The following SPAG11A variants were observed in gnomAD, a reference collection of about 807,000 sequenced individuals.
The protein encoded by SPAG11A is sperm-associated antigen 11A.
SPAG11A carries 2 observed loss-of-function variants against 5.5 expected under a neutral mutation model. That is an observed-to-expected ratio of 0.37 (90% CI 0.15 to 1.15). SPAG11A has a LOEUF of 1.15. Among genes scored for constraint, SPAG11A ranks in the 50% most tolerant of loss-of-function variants. The pLI, the probability that SPAG11A is intolerant of heterozygous loss-of-function variation, is 0.38. For missense variants in SPAG11A, 24 were observed against 122.5 expected, an observed-to-expected ratio of 0.20 and a Z score of 3.80; for synonymous variants, 11 against 42.7, an observed-to-expected ratio of 0.26 and a Z score of 2.90.
chr8:7,852,623 G>A (rs1317426413), intron 2 of SPAG11A, among the ~76,000 whole-genome samples: 10 of 152,148 alleles, frequency 6.6e-5, no homozygotes, highest in Middle Eastern at 3.4e-3. Context: ...GTGAGCCACC[G>A]CGCCCGGCCA....
chr8:7,858,382 C>G (rs1369601279), intron 2 of SPAG11A, among the ~76,000 whole-genome samples: 3 of 98,732 alleles, frequency 3.0e-5, no homozygotes, highest in African/African-American at 8.6e-5. Flanking sequence ...AAACCTCCCT[C>G]CAGCCCAGGA....
downstream of SPAG11A, among the ~76,000 whole-genome samples, chr8:7,863,213 ATTT>A (rs869056010): frequency 1.5e-3 from 11 of 7,532 alleles, no homozygotes; most frequent in African/African-American, 3.4e-3. Context: ...TGCAGATGGG[ATTT>A]TTTTTTTTTT....
chr8:7,863,754 C>T (rs1344211962), downstream of SPAG11A: 1 of 647,240 alleles, frequency 1.5e-6, no homozygotes, highest in South Asian at 1.9e-5. Flanking sequence ...GGAGTATGAT[C>T]CTCAGTGCGA....
exon 3 of SPAG11A, chr8:7,860,665 T>G (rs12063): frequency 0.42 from 629,296 of 1,485,406 alleles, 117,841 homozygotes; most frequent in Admixed American, 0.65. Context: ...CACTGGGAAT[T>G]AGAAATACCA....
At chr8:7,852,506 T>C (rs1359338500) in intron 2 of SPAG11A, among the ~76,000 whole-genome samples, 1 of 152,178 alleles carries the variant, frequency 6.6e-6, no homozygotes, top group Non-Finnish European at 1.5e-5. Flanking sequence ...GCTAATTTTG[T>C]ATTTTTAGTA....
At chr8:7,863,727 G>C, downstream of SPAG11A, 1 of 969,478 alleles carries the variant, frequency 1.0e-6, no homozygotes, top group Non-Finnish European at 1.6e-6. Context: ...GCTCCCCAGG[G>C]ATCCATGTGA....
exon 3 of SPAG11A, chr8:7,860,685 T>A (rs1167818335): frequency 7.9e-6 from 12 of 1,521,098 alleles, no homozygotes; most frequent in Non-Finnish European, 1.1e-5. Context: ...ATCTGCCGTA[T>A]GCAGCAAGGG....
intron 2 of SPAG11A, among the ~76,000 whole-genome samples, chr8:7,854,618 ATACT>A (rs1419014940): frequency 8.1e-6 from 1 of 122,714 alleles, no homozygotes; most frequent in African/African-American, 2.8e-5. Flanking sequence ...ATTAGGACAA[ATACT>A]TAATGTATGT....
intron 2 of SPAG11A, among the ~76,000 whole-genome samples, chr8:7,849,262 G>A (rs2128926374): frequency 6.6e-6 from 1 of 152,290 alleles, no homozygotes; most frequent in Non-Finnish European, 1.5e-5. Flanking sequence ...TGTCCATTGA[G>A]GTCTGGGAAA....
chr8:7,854,581 T>C (rs1177807736), intron 2 of SPAG11A, among the ~76,000 whole-genome samples: 2 of 140,832 alleles, frequency 1.4e-5, no homozygotes, highest in African/African-American at 5.1e-5. Flanking sequence ...TTTGCAGTGC[T>C]GGGTTGTGGA....
chr8:7,852,656 A>C (rs373271541), intron 2 of SPAG11A, among the ~76,000 whole-genome samples: 1 of 150,706 alleles, frequency 6.6e-6, no homozygotes, highest in African/African-American at 2.5e-5. Flanking sequence ...ATTCTTATCC[A>C]TGTACATGTG....
chr8:7,861,011 G>A, downstream of SPAG11A: 1 of 538,866 alleles, frequency 1.9e-6, no homozygotes, highest in Non-Finnish European at 2.7e-6. Context: ...TTTCAAAGGG[G>A]TCTCAGAATT....
At chr8:7,852,612 C>A (rs1456014868) in intron 2 of SPAG11A, among the ~76,000 whole-genome samples, 1 of 152,126 alleles carries the variant, frequency 6.6e-6, no homozygotes, top group Non-Finnish European at 1.5e-5. Flanking sequence ...GAATTACAGG[C>A]GTGAGCCACC....
intron 2 of SPAG11A, among the ~76,000 whole-genome samples, chr8:7,852,569 G>GATTT (rs1186649862): frequency 6.6e-6 from 1 of 151,906 alleles, no homozygotes; most frequent in Non-Finnish European, 1.5e-5. Context: ...CCGACCTCAG[G>GATTT]TGATCTGTCC....
At chr8:7,863,530 G>T (rs1818277585), downstream of SPAG11A, 1 of 1,603,520 alleles carries the variant, frequency 6.2e-7, no homozygotes, top group Non-Finnish European at 8.5e-7. Context: ...ACAACGCTGT[G>T]GATAAGGAGA....
At chr8:7,860,354 C>A in intron 2 of SPAG11A, 1 of 1,430,040 alleles carries the variant, frequency 7.0e-7, no homozygotes, top group Middle Eastern at 1.8e-4. Flanking sequence ...TAGTGCACAT[C>A]TCTCACCAGG....
At position 7,860,854 on chromosome 8, in the gene SPAG11A, A is replaced by G. The variant is rs1240227739; in HGVS notation, c.*21A>G. On this transcript the variant is annotated 3_prime_UTR_variant, in exon 3 of 3. Transcript: ENST00000642566. ...TCTAAAATATAAGCTCCCGGAAGGC[A>G]GGGATGTTGAAGTATCCCAAGGGCT... is the stretch of plus-strand genomic sequence containing the variant. 5.2e-5 allele frequency: 67 copies of G among 1,296,072 alleles called. 7 individuals carry two copies. The Admixed American group carries it at 1.5e-3, about 29-fold the overall frequency. 80.3% of individuals were successfully genotyped at this position (1,296,072 alleles called of 1,614,324 possible).
At position 7,857,900 on chromosome 8, in the gene SPAG11A, C is replaced by T. The variant is rs1818086964; in HGVS notation, c.215-2746C>T. 5.5e-5 allele frequency among the ~76,000 whole-genome samples: 5 copies of T among 91,648 alleles called. 1 individual carries two copies. Among genetic ancestry groups the T allele is most frequent in the Admixed American group, 4.6e-4 (4 of 8,752 alleles). The allele number at this position is 91,648 out of a possible 152,430, so 60.1% of individuals were successfully genotyped here. A position where few individuals can be genotyped will look rare whatever the true frequency, so the allele number is the denominator to read the frequency against. ...TCAAAATCCATGTCTAGGTAAGACT[C>T]ATGGTGAGATATGGTTGTTGAGGCT... On this transcript the variant is annotated intron_variant, in intron 2 of 2. Transcript: ENST00000642566.
chr8:7,860,113 T>C (rs1181476521), intron 2 of SPAG11A, among the ~76,000 whole-genome samples: 1 of 149,268 alleles, frequency 6.7e-6, no homozygotes, highest in Non-Finnish European at 1.5e-5. Flanking sequence ...CTTTCAACCA[T>C]CTCTTGCCCA....
Sources: gnomAD v4.1 joint callset for allele counts (sites outside exome capture counted in the v4.1 genomes callset) on GRCh38, gnomAD v4.1.1 for gene constraint, MANE v1.5 for transcripts, NCBI Gene and HGNC (gene_info 2026-07-23, HGNC 2026-07-21) for gene names.